GRHL1: variants seen among roughly 807,000 people sequenced by gnomAD.
GRHL1 encodes grainyhead-like protein 1 homolog.
GRHL1 carries 38 observed loss-of-function variants against 75.7 expected under a neutral mutation model. The observed-to-expected ratio is 0.50, with a 90% CI of 0.39 to 0.66. GRHL1 has a LOEUF of 0.66. GRHL1 is among the 30% of genes least tolerant of loss of function. The pLI, the probability that GRHL1 is intolerant of heterozygous loss-of-function variation, is 0.00. For missense variants in GRHL1, 589 were observed against 767.5 expected (o/e 0.77, Z 2.75); for synonymous variants, 266 against 279.4 (o/e 0.95, Z 0.48).
intron 8 of GRHL1, among the ~76,000 whole-genome samples, chr2:9,974,134 T>C (rs1180136864): frequency 6.6e-6 from 1 of 152,212 alleles, no homozygotes; most frequent in Non-Finnish European, 1.5e-5. Context: ...AGCCTTGAGG[T>C]TGGAGTCAGG....
Position 9,955,028 on chromosome 2 carries a change from C to CATCATCT in GRHL1, c.134_135insATCATCT (p.Lys46SerfsTer12). The CATCATCT allele has an allele frequency of 6.2e-7, 1 of 1,613,710 alleles. No homozygotes were observed. The highest frequency in any genetic ancestry group is 1.1e-5 in the South Asian group (1 of 91,082). ...CTGGAAAACCCTCTCACTGCAGCGACCAAAGCGATGATGAGCATCAATGGA... is the reference window on the plus strand; with the variant it reads ...CTGGAAAACCCTCTCACTGCAGCGACATCATCTCAAAGCGATGATGAGCATCAATGGA... On this transcript the variant is annotated frameshift_variant, in exon 2 of 16. Coordinates refer to ENST00000324907, the MANE Select transcript of GRHL1 (RefSeq NM_198182.3). LOFTEE classifies it high-confidence loss of function.
intron 13 of GRHL1, 75 bp downstream of exon 13, chr2:9,996,045 T>C (rs1333257926): frequency 4.1e-6 from 4 of 965,472 alleles, no homozygotes; most frequent in Non-Finnish European, 6.7e-6. Flanking sequence ...GCATAAATGG[T>C]TCAAGCACAT....
chr2:9,957,296 T>C lies in GRHL1; in HGVS notation c.208-1490T>C, dbSNP rs1394183004. ...GTGAGCCACTGTGCCTGGCCTATTT[T>C]CTTTTTCAAATAAACTGAATTATTT... is the stretch of plus-strand genomic sequence containing the variant. On this transcript the variant is annotated intron_variant, in intron 2 of 15. Coordinates refer to ENST00000324907, the MANE Select transcript of GRHL1 (RefSeq NM_198182.3). Among the ~76,000 whole-genome samples the C allele has an allele frequency of 2.6e-5, 4 of 152,170 alleles. No individual in the cohort carries two copies. In the East Asian group the frequency reaches 7.7e-4, roughly 29 times the overall value.
chr2:9,973,336 C>T (rs186246274), intron 8 of GRHL1, among the ~76,000 whole-genome samples: 21 of 152,202 alleles, frequency 1.4e-4, no homozygotes, highest in African/African-American at 4.3e-4. Flanking sequence ...TAATGGAGCC[C>T]GCACACATGG....
In GRHL1 at chr2:9,964,266, A is replaced by G; in HGVS notation, c.935A>G (p.Lys312Arg). ...ATCATGGTGGTTTTTGCTGAAGACA[A>G]AAGCAGAGAAGATCAGTTAAGGCAT... ...SVIMVVFAEDKSREDQLRHWK... is the reference protein window; with the variant it reads ...SVIMVVFAEDRSREDQLRHWK... The change falls in exon 7 of 16, where the codon AAA becomes AGA. Residue 312 changes from lysine to arginine, a missense_variant. Lys to Arg is a conservative substitution (Grantham distance 26). Around this residue, in one of 5 missense-constraint regions of GRHL1, gnomAD observed 362 missense variants for 461.8 expected, o/e 0.78. Coordinates refer to ENST00000324907, the MANE Select transcript of GRHL1 (RefSeq NM_198182.3). The G allele has an allele frequency of 1.2e-6, 2 of 1,612,064 alleles. No individual in the cohort carries two copies. Among genetic ancestry groups the G allele is most frequent in the Non-Finnish European group, 1.7e-6 (2 of 1,178,438 alleles).
At chr2:9,977,141 T>C (rs948671152) in intron 8 of GRHL1, among the ~76,000 whole-genome samples, 1 of 152,242 alleles carries the variant, frequency 6.6e-6, no homozygotes, top group Non-Finnish European at 1.5e-5. Context: ...TTAGCTCTTT[T>C]TATTGTTTGT....
chr2:9,959,078 C>G, intron 3 of GRHL1: 1 of 430,266 alleles, frequency 2.3e-6, no homozygotes, highest in Admixed American at 4.1e-5. Context: ...GATGAAAGCA[C>G]TAACATTCTC....
At position 9,998,448 on chromosome 2, in the gene GRHL1, G is replaced by GTGTGTGTGTT. The variant is rs1553306800; in HGVS notation, c.1678-516_1678-515insGTGTGTGTTT. On this transcript the variant is annotated intron_variant, in intron 14 of 15. Transcript: ENST00000324907. ...CATGTGTGTGTGTGTGTGTGTGTGTGTATATATATACATATATATACGTAT... is the reference window on the plus strand; with the variant it reads ...CATGTGTGTGTGTGTGTGTGTGTGTGTGTGTGTGTTTATATATATACATATATATACGTAT... Among the ~76,000 whole-genome samples, 8 of 71,152 alleles carry GTGTGTGTGTT rather than the reference G, an allele frequency of 1.1e-4. 1 individual carries two copies. Among genetic ancestry groups the GTGTGTGTGTT allele is most frequent in the Admixed American group, 3.7e-4 (2 of 5,442 alleles). The allele number at this position is 71,152 out of a possible 152,430, so 46.7% of individuals were successfully genotyped here. A position where few individuals can be genotyped will look rare whatever the true frequency, so the allele number is the denominator to read the frequency against.
intron 1 of GRHL1, chr2:9,952,977 C>T (rs924239110): frequency 6.1e-5 from 28 of 455,712 alleles, no homozygotes; most frequent in Non-Finnish European, 1.1e-4. Flanking sequence ...GAGTTTAAGG[C>T]TCACCTGAAA....
intron 2 of GRHL1, among the ~76,000 whole-genome samples, chr2:9,956,952 T>G (rs900347896): frequency 2.0e-5 from 3 of 152,084 alleles, no homozygotes; most frequent in Non-Finnish European, 2.9e-5. Context: ...GGTACTTACT[T>G]GTCAGACTTC....
In GRHL1 at chr2:9,987,207, A is replaced by G. The variant is rs1236952335; in HGVS notation, c.1269+925A>G. Among the ~76,000 whole-genome samples the G allele has an allele frequency of 1.3e-5, 2 of 152,128 alleles. No individual in the cohort carries two copies. The highest frequency in any genetic ancestry group is 2.9e-5 in the Non-Finnish European group (2 of 68,018). On this transcript the variant is annotated intron_variant, in intron 9 of 15. Transcript: ENST00000324907. The surrounding 1 kb of genome is among the most constrained non-coding windows in gnomAD (Gnocchi z 4.2). ...AGGCTGGTCTTGAATTCCTGGCCTC[A>G]TGTGATGCGCCCACTTTGGCTTCCC...
At chr2:9,994,495 A>G (rs578250525) in intron 12 of GRHL1, among the ~76,000 whole-genome samples, 4 of 152,114 alleles carry the variant, frequency 2.6e-5, no homozygotes, top group Non-Finnish European at 1.5e-5. Context: ...CTCATCTTCC[A>G]TCCATTCCCA....
chr2:9,969,710 G>T (rs1667635864), intron 8 of GRHL1, among the ~76,000 whole-genome samples: 1 of 152,226 alleles, frequency 6.6e-6, no homozygotes, highest in African/African-American at 2.4e-5. Flanking sequence ...ATGTCTGGGG[G>T]TGGTGTAGGG....
At chr2:9,988,780 G>C (rs572212897) in intron 9 of GRHL1, among the ~76,000 whole-genome samples, 3 of 152,110 alleles carry the variant, frequency 2.0e-5, no homozygotes, top group Non-Finnish European at 2.9e-5. Flanking sequence ...GGGCCTTCTC[G>C]TTCTTGTTTC....
In GRHL1 at chr2:9,990,815, C is replaced by T; in HGVS notation, c.1321+68C>T. The T allele has an allele frequency of 7.7e-7, 1 of 1,290,726 alleles. No homozygotes were observed. The highest frequency in any genetic ancestry group is 1.1e-6 in the Non-Finnish European group (1 of 901,084). 80.0% of individuals were successfully genotyped at this position (1,290,726 alleles called of 1,614,324 possible). ...AGAAATGTTCCCGGCAAGCTTCAGACCTTTTCCATTGAGAATGGTGGCTGG... is the reference window on the plus strand; with the variant it reads ...AGAAATGTTCCCGGCAAGCTTCAGATCTTTTCCATTGAGAATGGTGGCTGG... On this transcript the variant is annotated intron_variant, in intron 10 of 15. Transcript: ENST00000324907. This position sits in a 1 kb window ranked among gnomAD's most constrained non-coding sequence, Gnocchi z 4.2.
intron 10 of GRHL1, among the ~76,000 whole-genome samples, chr2:9,991,404 A>C (rs961833205): frequency 6.6e-6 from 1 of 152,192 alleles, no homozygotes; most frequent in African/African-American, 2.4e-5. Context: ...CTTAGTCAGG[A>C]TTCTCCTACT....
rs1257843266 is a variant in GRHL1, at chr2:9,961,146, G to A, written c.379G>A (p.Gly127Ser). ...NVPFNIVLPH[G>S]NQLGIDKRGH... ...GCCATTTAACATTGTCCTTCCCCATGGCAACCAGCTGGGCATTGATAAGAG... is the reference window on the plus strand; with the variant it reads ...GCCATTTAACATTGTCCTTCCCCATAGCAACCAGCTGGGCATTGATAAGAG... Residue 127 changes from glycine (G) to serine (S), a missense_variant, in exon 4 of 16, where the codon GGC (glycine) becomes AGC (serine). This residue lies in a region of GRHL1 where 362 missense variants were observed against 461.8 expected (regional missense o/e 0.78). Coordinates refer to ENST00000324907, the MANE Select transcript of GRHL1 (RefSeq NM_198182.3). 6.2e-7 allele frequency: 1 copy of A among 1,612,710 alleles called. No homozygotes were observed.
chr2:9,985,867 T>G (rs1222781633), intron 8 of GRHL1, among the ~76,000 whole-genome samples: 1 of 152,208 alleles, frequency 6.6e-6, no homozygotes. Flanking sequence ...AAATAGGGAT[T>G]CTGGAAGGGA....
Position 10,001,521 on chromosome 2 carries a change from C to T in GRHL1, c.*814C>T, listed in dbSNP as rs1236784634. On this transcript the variant is annotated 3_prime_UTR_variant, in exon 16 of 16. Transcript: ENST00000324907. ...GACAAAGGTTAAGTTATTTTTTGAT[C>T]GTGTATACCAAGCAGATAGAATACT... The T allele has an allele frequency of 6.6e-6, 1 of 152,018 alleles. No individual in the cohort carries two copies. Among genetic ancestry groups the T allele is most frequent in the African/African-American group, 2.4e-5 (1 of 41,380 alleles). 9.4% of individuals were successfully genotyped at this position (152,018 alleles called of 1,614,324 possible). A position where few individuals can be genotyped will look rare whatever the true frequency, so the allele number is the denominator to read the frequency against.
Sources: allele counts gnomAD v4.1 joint callset (sites outside exome capture counted in the v4.1 genomes callset), GRCh38; gene constraint gnomAD v4.1.1; regional missense constraint gnomAD v4.1.1; non-coding constraint Gnocchi (gnomAD v3.1); transcripts MANE v1.5; gene names NCBI Gene and HGNC (gene_info 2026-07-23, HGNC 2026-07-21).